The following KIF15 variants were observed in gnomAD, a reference collection of about 807,000 sequenced individuals.
KIF15 encodes the protein kinesin family member 15.
Under a neutral mutation model 190.6 loss-of-function variants are expected in KIF15, and 140 were observed. The ratio of observed to expected loss-of-function variants is 0.73; its 90% CI spans 0.64 to 0.84. The LOEUF (loss-of-function observed/expected upper bound fraction) is 0.84. KIF15 is among the 40% of genes least tolerant of loss of function. KIF15 has a pLI of 0.00. For missense variants in KIF15, 1,372 were observed against 1,584.4 expected, an observed-to-expected ratio of 0.87 and a Z score of 2.28; for synonymous variants, 528 against 551.3, an observed-to-expected ratio of 0.96 and a Z score of 0.59.
intron 20 of KIF15, among the ~76,000 whole-genome samples, 172 bp from the exon 21 acceptor site, chr3:44,825,865 CAT>C (rs1402667884): frequency 2.0e-5 from 3 of 152,164 alleles, no homozygotes; most frequent in Non-Finnish European, 2.9e-5. Flanking sequence ...GTGTGTCTCA[CAT>C]GTTTGTGCAT....
intron 6 of KIF15, among the ~76,000 whole-genome samples, chr3:44,868,318 C>T (rs1401759047): frequency 6.6e-6 from 1 of 152,116 alleles, no homozygotes; most frequent in African/African-American, 2.4e-5. Flanking sequence ...CTGAATAATA[C>T]TCCATTGTGT....
At chr3:44,852,462 A>T (rs566565664) in intron 34 of KIF15, 123 bp downstream of exon 34, 142 of 180,432 alleles carry the variant, frequency 7.9e-4, no homozygotes, top group Middle Eastern at 2.5e-3. Flanking sequence ...TTCCTGAATT[A>T]AAAAAAAAAA....
chr3:44,837,942 G>A (rs1390784914), intron 26 of KIF15, among the ~76,000 whole-genome samples: 1 of 152,152 alleles, frequency 6.6e-6, no homozygotes, highest in Non-Finnish European at 1.5e-5. Context: ...ACAACAACAA[G>A]TAACCAAGAG....
chr3:44,859,690 A>G (rs1278044820), intron 6 of KIF15, among the ~76,000 whole-genome samples: 1 of 152,046 alleles, frequency 6.6e-6, no homozygotes, highest in African/African-American at 2.4e-5. Context: ...TCTGGGCTTG[A>G]TGGTACCTGC....
rs116387400 is a variant in KIF15 at position 44,780,755 on chromosome 3, T to G, written c.324-130T>G. ...GGAGGCAGATCATTCACTTTTTATC[T>G]AATAGAATTTAAAAATAGAAAGAAA... On this transcript the variant is annotated intron_variant, in intron 4 of 34. Transcript: ENST00000326047. 3.4e-3 allele frequency: 1,930 copies of G among 568,190 alleles called. 41 individuals are homozygous for G. The highest frequency in any genetic ancestry group is 0.033 in the African/African-American group (1,694 of 51,380). 35.2% of individuals were successfully genotyped at this position (568,190 alleles called of 1,614,324 possible).
chr3:44,806,996 G>A (rs894552832), intron 16 of KIF15, among the ~76,000 whole-genome samples: 1 of 151,676 alleles, frequency 6.6e-6, no homozygotes, highest in African/African-American at 2.4e-5. Flanking sequence ...TGCCTGCCTC[G>A]GCCTCCCAAA....
At chr3:44,771,388 A>T (rs1705635062) in intron 1 of KIF15, among the ~76,000 whole-genome samples, 2 of 152,200 alleles carry the variant, frequency 1.3e-5, no homozygotes, top group African/African-American at 4.8e-5. Context: ...AACATATATT[A>T]ATATTATTCC....
intron 11 of KIF15, 39 bp downstream of exon 11, chr3:44,800,476 G>A (rs1707214991): frequency 1.3e-6 from 2 of 1,592,354 alleles, no homozygotes; most frequent in Non-Finnish European, 1.7e-6. Context: ...GGGGAAGACT[G>A]TACAAATAAT....
chr3:44,799,680 A>C (rs1378101955), intron 10 of KIF15, among the ~76,000 whole-genome samples: 2 of 148,854 alleles, frequency 1.3e-5, no homozygotes, highest in Non-Finnish European at 3.0e-5. Flanking sequence ...TTTGTTTGTG[A>C]GTCCTTTAGC....
intron 31 of KIF15, 27 bp downstream of exon 31, chr3:44,848,084 T>A (rs1316932832): frequency 1.5e-6 from 2 of 1,359,210 alleles, no homozygotes; most frequent in South Asian, 2.4e-5. Flanking sequence ...TGTAATAGTT[T>A]CTTCTTGTCT....
At chr3:44,865,450 C>T (rs1209892351) in intron 6 of KIF15, 2 of 454,528 alleles carry the variant, frequency 4.4e-6, no homozygotes, top group Non-Finnish European at 8.0e-6. Flanking sequence ...TGCTGGAGAT[C>T]CTGGGGTTGG....
chr3:44,859,708 CTTAG>C (rs987818696), intron 6 of KIF15, among the ~76,000 whole-genome samples: 2 of 152,192 alleles, frequency 1.3e-5, no homozygotes, highest in Middle Eastern at 3.4e-3. Context: ...TGCCTGTAGT[CTTAG>C]TTACTCAGGA....
intron 8 of KIF15, among the ~76,000 whole-genome samples, 161 bp from the exon 9 acceptor site, chr3:44,797,390 T>C (rs1707039461): frequency 6.6e-6 from 1 of 152,230 alleles, no homozygotes; most frequent in African/African-American, 2.4e-5. Context: ...TAGGGATAGT[T>C]CAGCACTTCT....
intron 6 of KIF15, among the ~76,000 whole-genome samples, chr3:44,860,938 A>G (rs973683982): frequency 4.6e-5 from 7 of 152,198 alleles, no homozygotes; most frequent in Non-Finnish European, 1.0e-4. Context: ...AGCACTTTAT[A>G]CATTTCAACA....
intron 5 of KIF15, among the ~76,000 whole-genome samples, chr3:44,783,526 G>A (rs937582228): frequency 3.9e-5 from 6 of 152,140 alleles, no homozygotes; most frequent in African/African-American, 1.4e-4. Flanking sequence ...CCCAGCAGGC[G>A]ACACCTCCAA....
rs558404676 is a variant in KIF15, at chr3:44,793,290, T to G, written c.640-927T>G. Among the ~76,000 whole-genome samples the G allele has an allele frequency of 1.4e-3, 214 of 152,286 alleles. 8 individuals carry two copies. In the South Asian group the frequency reaches 0.043, roughly 31 times the overall value. On this transcript the variant is annotated intron_variant, in intron 7 of 34. Transcript: ENST00000326047. ...AGAGCCTGCATTCTGAACTTTCATG[T>G]ATCCTGCTTGCCATAGGGAATAGAA...
chr3:44,799,849 G>A (rs1351368542), intron 10 of KIF15, among the ~76,000 whole-genome samples: 1 of 151,968 alleles, frequency 6.6e-6, no homozygotes, highest in Non-Finnish European at 1.5e-5. Context: ...CTCTGGAGAA[G>A]GTTGCTTCTG....
Position 44,852,128 on chromosome 3 carries a change from G to A in KIF15, c.3973-80G>A. On this transcript the variant is annotated intron_variant, in intron 33 of 34. Coordinates refer to ENST00000326047, the MANE Select transcript of KIF15 (RefSeq NM_020242.3). ...GACTCTCTGACTTCCTGTGCTCCTG[G>A]AAGGCAAGAAATAATGTGACTTTAA... 2.0e-6 allele frequency: 3 copies of A among 1,521,934 alleles called. No homozygotes were observed. In the South Asian group the frequency reaches 3.8e-5, roughly 20 times the overall value. The allele number at this position is 1,521,934 out of a possible 1,614,324, so 94.3% of individuals were successfully genotyped here.
intron 1 of KIF15, among the ~76,000 whole-genome samples, chr3:44,773,347 G>A (rs576333095): frequency 9.7e-4 from 147 of 152,312 alleles, no homozygotes; most frequent in Non-Finnish European, 1.8e-3. Context: ...GGCTAGGGGA[G>A]GGGAGGACTC....
Sources: gnomAD v4.1 joint callset for allele counts (sites outside exome capture counted in the v4.1 genomes callset) on GRCh38, gnomAD v4.1.1 for gene constraint, MANE v1.5 for transcripts, NCBI Gene and HGNC (gene_info 2026-07-23, HGNC 2026-07-21) for gene names.